CD2AP: variants seen among roughly 807,000 people sequenced by gnomAD.
The protein encoded by CD2AP is CD2-associated protein.
Under a neutral mutation model 85.1 loss-of-function variants are expected in CD2AP, and 46 were observed. The ratio of observed to expected loss-of-function variants is 0.54; its 90% CI spans 0.43 to 0.69. The LOEUF (loss-of-function observed/expected upper bound fraction) is 0.69, where lower values mean the gene tolerates loss of function less well. Among genes scored for constraint, CD2AP ranks in the 30% least tolerant of loss-of-function variants. The pLI, the probability that CD2AP is intolerant of heterozygous loss-of-function variation, is 0.00. For synonymous variants in CD2AP, 255 were observed against 252.9 expected, an observed-to-expected ratio of 1.01 and a Z score of -0.08; for missense variants, 769 against 729.5, an observed-to-expected ratio of 1.05 and a Z score of -0.62.
chr6:47,577,872 C>G (rs1350363559), intron 8 of CD2AP, among the ~76,000 whole-genome samples: 1 of 152,074 alleles, frequency 6.6e-6, no homozygotes, highest in African/African-American at 2.4e-5. Flanking sequence ...GCTACCACAC[C>G]TGGCCCCATT....
At chr6:47,512,348 A>G (rs536196395) in intron 2 of CD2AP, among the ~76,000 whole-genome samples, 5 of 152,172 alleles carry the variant, frequency 3.3e-5, no homozygotes, top group Non-Finnish European at 7.4e-5. Flanking sequence ...TCTCAAAAAA[A>G]ACAAACATAA....
At chr6:47,487,430 C>T (rs918746214) in intron 1 of CD2AP, among the ~76,000 whole-genome samples, 1 of 152,188 alleles carries the variant, frequency 6.6e-6, no homozygotes, top group African/African-American at 2.4e-5. Context: ...GTGGCTCACG[C>T]CTGTAATCCC....
chr6:47,488,395 T>C (rs1765622051), intron 1 of CD2AP, among the ~76,000 whole-genome samples: 3 of 152,194 alleles, frequency 2.0e-5, no homozygotes, highest in African/African-American at 7.2e-5. Context: ...TGTGTAATTT[T>C]AAATTTTCTA....
chr6:47,515,271 G>A (rs9395270), intron 2 of CD2AP, among the ~76,000 whole-genome samples: 47,715 of 151,908 alleles, frequency 0.31, 8,653 homozygotes, highest in Middle Eastern at 0.52. Context: ...TTTGAAGATT[G>A]CTTAAAGATA....
intron 2 of CD2AP, among the ~76,000 whole-genome samples, chr6:47,504,680 T>C (rs111463166): frequency 7.2e-6 from 1 of 139,632 alleles, no homozygotes; most frequent in East Asian, 2.0e-4. Flanking sequence ...GCTACAGGGG[T>C]ACCTTGGAGA....
intron 5 of CD2AP, among the ~76,000 whole-genome samples, chr6:47,562,440 T>C (rs968439317): frequency 6.6e-6 from 1 of 152,206 alleles, no homozygotes; most frequent in African/African-American, 2.4e-5. Flanking sequence ...GAGGAAAAAT[T>C]GCTGGTATAA....
chr6:47,561,224 A>T (rs1297631736), intron 5 of CD2AP, among the ~76,000 whole-genome samples: 1 of 152,216 alleles, frequency 6.6e-6, no homozygotes, highest in Non-Finnish European at 1.5e-5. Flanking sequence ...CCATGAAAAC[A>T]TGTACAGAAC....
At chr6:47,584,891 A>T (rs568005736) in intron 11 of CD2AP, among the ~76,000 whole-genome samples, 6 of 152,024 alleles carry the variant, frequency 3.9e-5, no homozygotes, top group Non-Finnish European at 7.4e-5. Flanking sequence ...TGGCTTTATT[A>T]TCTATTTTTT....
chr6:47,505,583 C>T (rs1029163978), intron 2 of CD2AP, among the ~76,000 whole-genome samples: 1 of 143,898 alleles, frequency 6.9e-6, no homozygotes, highest in Non-Finnish European at 1.5e-5. Flanking sequence ...CAGAGGCGCC[C>T]CTCACCTCCC....
intron 2 of CD2AP, among the ~76,000 whole-genome samples, chr6:47,505,018 T>TTC (rs1766098735): frequency 1.2e-5 from 1 of 82,006 alleles, no homozygotes; most frequent in Admixed American, 1.2e-4. Flanking sequence ...TTTCTTTTTT[T>TTC]TTTTTTTTTT....
At chr6:47,577,918 T>C (rs943281165) in intron 8 of CD2AP, among the ~76,000 whole-genome samples, 9 of 152,130 alleles carry the variant, frequency 5.9e-5, no homozygotes, top group Non-Finnish European at 1.2e-4. Flanking sequence ...TGTCATAGTG[T>C]ATATAATTTT....
intron 17 of CD2AP, among the ~76,000 whole-genome samples, chr6:47,614,133 A>T: frequency 6.6e-6 from 1 of 152,198 alleles, no homozygotes; most frequent in East Asian, 1.9e-4. Flanking sequence ...ATCAACAATA[A>T]GGCTGTTAAG....
At chr6:47,616,008 C>T (rs1337873983) in intron 17 of CD2AP, among the ~76,000 whole-genome samples, 5 of 149,702 alleles carry the variant, frequency 3.3e-5, no homozygotes, top group Admixed American at 3.3e-4. Flanking sequence ...TGGTCTTGAA[C>T]TCCTGACCTT....
At chr6:47,591,599 T>G (rs955464287) in intron 11 of CD2AP, among the ~76,000 whole-genome samples, 2 of 152,152 alleles carry the variant, frequency 1.3e-5, no homozygotes, top group Non-Finnish European at 2.9e-5. Flanking sequence ...CACTCCTGTT[T>G]TGGTGCCCAT....
At chr6:47,512,793 G>T (rs1766353534) in intron 2 of CD2AP, among the ~76,000 whole-genome samples, 1 of 152,182 alleles carries the variant, frequency 6.6e-6, no homozygotes, top group South Asian at 2.1e-4. Flanking sequence ...GACCACCTGT[G>T]TTCTTAAGTT....
At chr6:47,608,738 A>G (rs1254907434) in intron 15 of CD2AP, among the ~76,000 whole-genome samples, 1 of 152,192 alleles carries the variant, frequency 6.6e-6, no homozygotes, top group Non-Finnish European at 1.5e-5. Flanking sequence ...AATTGTTCAC[A>G]ATTACTTTTA....
chr6:47,599,898 C>G (rs1318252220), intron 13 of CD2AP, among the ~76,000 whole-genome samples: 1 of 151,606 alleles, frequency 6.6e-6, no homozygotes, highest in Admixed American at 6.6e-5. Context: ...CTTTTTCTAA[C>G]CCTTTTGCTA....
At chr6:47,622,268 T>C (rs978650405) in intron 17 of CD2AP, among the ~76,000 whole-genome samples, 2 of 152,328 alleles carry the variant, frequency 1.3e-5, no homozygotes, top group East Asian at 3.9e-4. Context: ...ACCTGCCTTC[T>C]AGCTGCGAAA....
intron 1 of CD2AP, among the ~76,000 whole-genome samples, chr6:47,490,066 C>A (rs1010106972): frequency 2.6e-5 from 4 of 151,124 alleles, no homozygotes; most frequent in Non-Finnish European, 2.9e-5. Flanking sequence ...ACCTTGACCT[C>A]CTGGGGTCAA....
Sources: allele counts gnomAD v4.1 joint callset (sites outside exome capture counted in the v4.1 genomes callset), GRCh38; gene constraint gnomAD v4.1.1; transcripts MANE v1.5; gene names NCBI Gene and HGNC (gene_info 2026-07-23, HGNC 2026-07-21).